The following CHEK1 variants were observed in gnomAD, a reference collection of about 807,000 sequenced individuals.
CHEK1 encodes the protein checkpoint kinase 1, also known as serine/threonine-protein kinase Chk1.
In CHEK1, 32 loss-of-function variants were observed where a neutral mutation model predicts 60.2. That is an observed-to-expected ratio of 0.53 (90% CI 0.40 to 0.71). The LOEUF is 0.71. Among genes scored for constraint, CHEK1 ranks in the 30% least tolerant of loss-of-function variants. The pLI is 0.00. For synonymous variants in CHEK1, 179 were observed against 187.2 expected (o/e 0.96, Z 0.36); for missense variants, 399 against 564.6 (o/e 0.71, Z 2.97).
chr11:125,676,587 T>G, downstream of CHEK1: 1 of 1,321,136 alleles, frequency 7.6e-7, no homozygotes, highest in Admixed American at 1.9e-5. Flanking sequence ...TACTACACAT[T>G]TATTTCTTAG....
At chr11:125,641,210 A>G (rs948581805) in intron 8 of CHEK1, among the ~76,000 whole-genome samples, 1 of 152,110 alleles carries the variant, frequency 6.6e-6, no homozygotes, top group African/African-American at 2.4e-5. Context: ...TTATCTCATC[A>G]ATATTTTATA....
chr11:125,637,312 G>C (rs1941106770), intron 7 of CHEK1, 137 bp from the exon 8 acceptor site: 1 of 549,520 alleles, frequency 1.8e-6, no homozygotes, highest in Admixed American at 3.8e-5. Context: ...CAGTAATTTA[G>C]TAGCTTTAAT....
intron 13 of CHEK1, among the ~76,000 whole-genome samples, chr11:125,669,372 G>C (rs961751436): frequency 1.3e-5 from 2 of 152,008 alleles, no homozygotes; most frequent in African/African-American, 4.8e-5. Flanking sequence ...GCTCTCCATT[G>C]TTTCTGATGA....
At chr11:125,680,157 A>T (rs912146801), downstream of CHEK1, among the ~76,000 whole-genome samples, 5 of 152,194 alleles carry the variant, frequency 3.3e-5, no homozygotes, top group African/African-American at 9.6e-5. Context: ...TTTCACTGAA[A>T]GCTCAGAGCT....
At chr11:125,659,758 C>G (rs925080328), downstream of CHEK1, among the ~76,000 whole-genome samples, 1 of 152,136 alleles carries the variant, frequency 6.6e-6, no homozygotes, top group East Asian at 1.9e-4. Context: ...AAGTGCACTT[C>G]TGTGGTTTTT....
intron 8 of CHEK1, among the ~76,000 whole-genome samples, chr11:125,640,539 CAAAA>C (rs35982773): frequency 2.0e-5 from 2 of 100,240 alleles, no homozygotes; most frequent in Admixed American, 1.1e-4. Context: ...GACTCCGTCT[CAAAA>C]AAAAAAAAAA....
downstream of CHEK1, among the ~76,000 whole-genome samples, chr11:125,658,644 TATGTAATC>T: frequency 6.6e-6 from 1 of 151,900 alleles, no homozygotes; most frequent in East Asian, 1.9e-4. Flanking sequence ...GATTTTCTTG[TATGTAATC>T]ATGTAATCTT....
At chr11:125,631,207 T>C (rs1259560295) in intron 5 of CHEK1, among the ~76,000 whole-genome samples, 1 of 152,156 alleles carries the variant, frequency 6.6e-6, no homozygotes, top group African/African-American at 2.4e-5. Flanking sequence ...TTTTCTAAAG[T>C]GAGTGGGTGT....
At chr11:125,650,058 C>T (rs992935291) in intron 11 of CHEK1, among the ~76,000 whole-genome samples, 2 of 151,784 alleles carry the variant, frequency 1.3e-5, no homozygotes, top group African/African-American at 4.8e-5. Context: ...TTTTTTCATT[C>T]TGTTCGGAGT....
At chr11:125,640,906 G>A (rs1941278583) in intron 8 of CHEK1, among the ~76,000 whole-genome samples, 1 of 152,056 alleles carries the variant, frequency 6.6e-6, no homozygotes, top group African/African-American at 2.4e-5. Context: ...TGGGATTATA[G>A]GCATGAGCCA....
chr11:125,679,423 G>C (rs565237515), downstream of CHEK1, among the ~76,000 whole-genome samples: 1 of 152,024 alleles, frequency 6.6e-6, no homozygotes, highest in South Asian at 2.1e-4. Flanking sequence ...TCGCCATGTT[G>C]GCCAGGCTGG....
intron 2 of CHEK1, among the ~76,000 whole-genome samples, chr11:125,627,100 G>A (rs780071981): frequency 9.2e-5 from 14 of 152,156 alleles, no homozygotes; most frequent in Admixed American, 2.6e-4. Flanking sequence ...ATGAGCAAAT[G>A]AGCAGACTCT....
In CHEK1 at chr11:125,635,477, G is replaced by A; in HGVS notation, c.662G>A (p.Trp221Ter). The A allele has an allele frequency of 1.9e-6, 3 of 1,607,112 alleles. No individual in the cohort carries two copies. The highest frequency in any genetic ancestry group is 2.2e-5 in the East Asian group (1 of 44,626). ...GACAGCTGTCAGGAGTATTCTGACTGGAAAGAAAAAAAAACATACCTCAAC... is the reference window on the plus strand; with the variant it reads ...GACAGCTGTCAGGAGTATTCTGACTAGAAAGAAAAAAAAACATACCTCAAC... ...PSDSCQEYSDWKEKKTYLNPW... is the reference protein window; with the variant it reads ...PSDSCQEYSD The change falls in exon 7 of 13, where the codon TGG becomes TAG. Residue 221 changes from tryptophan (W) to a stop codon, truncating the protein, a stop_gained. Transcript: ENST00000438015. LOFTEE classifies it high-confidence loss of function.
intron 9 of CHEK1, 21 bp downstream of exon 9, chr11:125,643,921 G>T (rs1241281597): frequency 6.3e-7 from 1 of 1,597,172 alleles, no homozygotes; most frequent in Admixed American, 1.7e-5. Context: ...TAAAGATTGA[G>T]TAGTTTTTGA....
chr11:125,631,861 CAAAAAAA>C (rs57281904), intron 5 of CHEK1, among the ~76,000 whole-genome samples: 1 of 51,356 alleles, frequency 1.9e-5, no homozygotes, highest in Non-Finnish European at 3.3e-5. Context: ...GACACTTTCT[CAAAAAAA>C]AAAAAAAAAA....
downstream of CHEK1, chr11:125,677,861 C>T (rs1942592044): frequency 1.2e-6 from 2 of 1,613,948 alleles, no homozygotes; most frequent in African/African-American, 2.7e-5. Context: ...CACCTGAAGG[C>T]TGTTCACCCG....
At chr11:125,635,407 C>G (rs568290475) in intron 6 of CHEK1, 22 bp from the exon 7 acceptor site, 3 of 1,390,404 alleles carry the variant, frequency 2.2e-6, no homozygotes, top group Non-Finnish European at 3.0e-6. Flanking sequence ...TTTAAAAAAA[C>G]TGGGACTTGC....
At chr11:125,658,247 T>G (rs1175419731), downstream of CHEK1, among the ~76,000 whole-genome samples, 8 of 152,162 alleles carry the variant, frequency 5.3e-5, no homozygotes, top group East Asian at 1.5e-3. Context: ...TTTTGTATTT[T>G]TTGTAGAGAC....
chr11:125,675,243 C>T (rs1942438573), intron 13 of CHEK1, among the ~76,000 whole-genome samples: 1 of 152,194 alleles, frequency 6.6e-6, no homozygotes, highest in Non-Finnish European at 1.5e-5. Context: ...CTGAATACCA[C>T]CTTCTCCCCA....
Sources: gnomAD v4.1 joint callset for allele counts (sites outside exome capture counted in the v4.1 genomes callset) on GRCh38, gnomAD v4.1.1 for gene constraint, MANE v1.5 for transcripts, NCBI Gene and HGNC (gene_info 2026-07-23, HGNC 2026-07-21) for gene names.